Variants in GTF2I observed in about 807,000 individuals in gnomAD.
GTF2I encodes general transcription factor IIi.
Under a neutral mutation model 67.6 loss-of-function variants are expected in GTF2I, and 12 were observed. The ratio of observed to expected loss-of-function variants is 0.18; its 90% CI spans 0.11 to 0.29. The LOEUF is 0.29. Ranked by LOEUF, GTF2I falls within the 10% of genes least tolerant of loss-of-function variation. The pLI is 1.00. For synonymous variants in GTF2I, 149 were observed against 197.0 expected (o/e 0.76, Z 2.04); for missense variants, 271 against 580.1 (o/e 0.47, Z 5.47).
intron 6 of GTF2I, among the ~76,000 whole-genome samples, chr7:74,702,082 T>C (rs587606760): frequency 5.9e-5 from 9 of 152,324 alleles, no homozygotes; most frequent in African/African-American, 1.9e-4. Context: ...TTTATAGATA[T>C]TTTGGTTGTT....
chr7:74,675,585 C>CTTAA (rs1313015545), intron 1 of GTF2I, among the ~76,000 whole-genome samples: 2 of 151,922 alleles, frequency 1.3e-5, no homozygotes, highest in Non-Finnish European at 2.9e-5. Flanking sequence ...AGTTCATAGA[C>CTTAA]TTAAATACCA....
intron 2 of GTF2I, 120 bp downstream of exon 2, chr7:74,689,347 AC>A: frequency 4.4e-5 from 13 of 298,116 alleles, no homozygotes; most frequent in Admixed American, 6.1e-5. Flanking sequence ...CTTTTTCTTT[AC>A]TTTTTTTTTT....
chr7:74,707,490 G>A (rs1195965525), intron 8 of GTF2I, among the ~76,000 whole-genome samples: 1 of 152,192 alleles, frequency 6.6e-6, no homozygotes, highest in African/African-American at 2.4e-5. Context: ...TGGGGAGGAG[G>A]GTAGGGCCGC....
intron 1 of GTF2I, among the ~76,000 whole-genome samples, chr7:74,674,556 G>A (rs587765942): frequency 1.3e-5 from 2 of 151,976 alleles, no homozygotes; most frequent in East Asian, 3.9e-4. Flanking sequence ...ATACTTTTTT[G>A]AGATGGAGTT....
At chr7:74,690,884 A>G (rs587767370) in intron 2 of GTF2I, 89 bp from the exon 3 acceptor site, 1 of 1,218,686 alleles carries the variant, frequency 8.2e-7, no homozygotes, top group East Asian at 2.6e-5. Flanking sequence ...GTACCTTTAA[A>G]AAATGTTGTT....
intron 1 of GTF2I, among the ~76,000 whole-genome samples, chr7:74,660,339 C>A (rs1554385950): frequency 1.3e-5 from 2 of 150,676 alleles, no homozygotes; most frequent in South Asian, 2.1e-4. Flanking sequence ...TTACAGGCGC[C>A]TGCCCCCAAG....
At chr7:74,717,651 T>C (rs1380733572) in intron 11 of GTF2I, among the ~76,000 whole-genome samples, 3 of 152,196 alleles carry the variant, frequency 2.0e-5, no homozygotes, top group Non-Finnish European at 4.4e-5. Context: ...CATAAATTGG[T>C]CATGTTATCC....
intron 1 of GTF2I, among the ~76,000 whole-genome samples, chr7:74,679,608 AC>A (rs1787035087): frequency 6.6e-6 from 1 of 151,876 alleles, no homozygotes; most frequent in African/African-American, 2.4e-5. Flanking sequence ...TGTTTTTAAA[AC>A]CTGCCATTCT....
intron 1 of GTF2I, among the ~76,000 whole-genome samples, chr7:74,658,904 C>T (rs1804207057): frequency 6.6e-6 from 1 of 152,138 alleles, no homozygotes; most frequent in African/African-American, 2.4e-5. Flanking sequence ...TGTCTCCTTC[C>T]CGCTCCCCGA....
In GTF2I at chr7:74,657,861, AGCGAGGCCCTGCCTGCGGG is replaced by A. The variant is rs1804049187; in HGVS notation, c.-209_-191del. ...CCCCAGTGATCGGATCAAGGCGCTG[AGCGAGGCCCTGCCTGCGGG>A]GCGGCCATGCGGCGGTGACAGGAGC... On this transcript the variant is annotated 5_prime_UTR_variant, in exon 1 of 35. Transcript: ENST00000573035. 1 of 151,550 alleles carries A rather than the reference AGCGAGGCCCTGCCTGCGGG, an allele frequency of 6.6e-6. No homozygotes were observed. 9.4% of individuals were successfully genotyped at this position (151,550 alleles called of 1,614,324 possible). A position where few individuals can be genotyped will look rare whatever the true frequency, so the allele number is the denominator to read the frequency against.
rs200356451 is a variant in GTF2I at position 74,714,941 on chromosome 7, C to T, written c.823+25C>T. The stretch of plus-strand genomic sequence containing the variant: ...GGTATAATCTTTTCACTTCCATTCT[C>T]CCACATACTGCTTGTGTTTAATGTT... On this transcript the variant is annotated intron_variant, in intron 10 of 34. Coordinates refer to ENST00000573035, the MANE Select transcript of GTF2I (RefSeq NM_032999.4). The T allele has an allele frequency of 1.2e-3, 1,657 of 1,435,140 alleles. 20 individuals are homozygous for T. In the South Asian group the frequency reaches 0.019, roughly 17 times the overall value. The allele number at this position is 1,435,140 out of a possible 1,614,324, so 88.9% of individuals were successfully genotyped here.
At chr7:74,686,059 G>A (rs1554395434) in intron 1 of GTF2I, among the ~76,000 whole-genome samples, 1 of 152,170 alleles carries the variant, frequency 6.6e-6, no homozygotes. Context: ...GTCGCAGTCA[G>A]TCTGGGATTC....
intron 12 of GTF2I, among the ~76,000 whole-genome samples, chr7:74,721,506 A>G (rs1792987778): frequency 6.6e-6 from 1 of 152,098 alleles, no homozygotes; most frequent in Non-Finnish European, 1.5e-5. Flanking sequence ...TTTCCATGTC[A>G]TATGTGCATA....
intron 12 of GTF2I, among the ~76,000 whole-genome samples, chr7:74,719,180 G>T (rs587616144): frequency 2.0e-5 from 3 of 152,196 alleles, no homozygotes; most frequent in African/African-American, 7.2e-5. Context: ...TGCTATCAGT[G>T]GGAGTTGAAA....
intron 1 of GTF2I, among the ~76,000 whole-genome samples, chr7:74,681,179 A>C (rs1562945465): frequency 6.6e-6 from 1 of 152,240 alleles, no homozygotes; most frequent in Non-Finnish European, 1.5e-5. Flanking sequence ...TTATGCCTGT[A>C]ATCCCAGCAC....
At position 74,700,310 on chromosome 7, in the gene GTF2I, C is replaced by T. The variant is rs782481420; in HGVS notation, c.437C>T (p.Ser146Leu). The change falls in exon 5 of 35, where the codon TCG (serine) becomes TTG (leucine). Residue 146 changes from serine to leucine, a missense_variant. Physicochemically the swap from Ser to Leu is moderately radical, Grantham distance 145. Transcript: ENST00000573035. ...TATGAGAAGATGCTGCGAGACCAGT[C>T]GGCTGTGGTAGTGCAGGGGCTTCCG... ...VPYEKMLRDQSAVVVQGLPEG... is the reference protein window; with the variant it reads ...VPYEKMLRDQLAVVVQGLPEG... The T allele has an allele frequency of 1.2e-5, 20 of 1,614,014 alleles. No individual in the cohort carries two copies. Among genetic ancestry groups the T allele is most frequent in the Middle Eastern group, 3.3e-4 (2 of 6,084 alleles).
intron 6 of GTF2I, among the ~76,000 whole-genome samples, chr7:74,702,980 G>A (rs1211704532): frequency 2.6e-5 from 4 of 152,014 alleles, no homozygotes; most frequent in Admixed American, 6.6e-5. Context: ...CAAGTGATCC[G>A]CCTGTGTCAG....
chr7:74,692,592 C>G (rs1484252847), intron 3 of GTF2I, among the ~76,000 whole-genome samples: 1 of 152,060 alleles, frequency 6.6e-6, no homozygotes, highest in Non-Finnish European at 1.5e-5. Flanking sequence ...GTTTTAATAC[C>G]CACAGCCTTT....
At chr7:74,720,370 C>G (rs1290640486) in intron 12 of GTF2I, among the ~76,000 whole-genome samples, 1 of 152,204 alleles carries the variant, frequency 6.6e-6, no homozygotes, top group Non-Finnish European at 1.5e-5. Flanking sequence ...CCAAACTACT[C>G]AACGTGTCTG....
Sources: gnomAD v4.1 joint callset for allele counts (sites outside exome capture counted in the v4.1 genomes callset) on GRCh38, gnomAD v4.1.1 for gene constraint, MANE v1.5 for transcripts, NCBI Gene and HGNC (gene_info 2026-07-23, HGNC 2026-07-21) for gene names.